The following QKI variants were observed in gnomAD, a reference collection of about 807,000 sequenced individuals.
QKI encodes the protein QKI, KH domain containing RNA binding.
QKI carries 10 observed loss-of-function variants against 39.0 expected under a neutral mutation model. The observed-to-expected ratio is 0.26, with a 90% CI of 0.16 to 0.43. The LOEUF (loss-of-function observed/expected upper bound fraction) is 0.43, where lower values mean the gene tolerates loss of function less well. QKI is among the 20% of genes least tolerant of loss of function. The pLI is 1.00. For missense variants in QKI, 218 were observed against 428.0 expected, an observed-to-expected ratio of 0.51 and a Z score of 4.33; for synonymous variants, 204 against 155.4, an observed-to-expected ratio of 1.31 and a Z score of -2.33.
intron 3 of QKI, among the ~76,000 whole-genome samples, chr6:163,481,257 G>A (rs1793056443): frequency 6.6e-6 from 1 of 152,162 alleles, no homozygotes; most frequent in Non-Finnish European, 1.5e-5. Flanking sequence ...ATATATGTGT[G>A]TGCGTATATA....
intron 3 of QKI, among the ~76,000 whole-genome samples, chr6:163,501,031 A>G (rs1029862719): frequency 1.3e-5 from 2 of 152,204 alleles, no homozygotes; most frequent in African/African-American, 4.8e-5. Context: ...AAATGGTTGG[A>G]ATATTTAGTA....
Position 163,563,619 on chromosome 6 carries a change from G to A in QKI, c.834G>A (p.Gly278=). Residue 278 remains glycine, a synonymous_variant, in exon 6 of 8, where the codon GGG becomes GGA. Coordinates refer to ENST00000361752, the MANE Select transcript of QKI (RefSeq NM_006775.3). ...PHPTAAIVPP[G]PEAGLIYTPY... ...CAACTGCTGCAATAGTTCCTCCAGG[G>A]CCCGAAGCTGGTTTAATCTATACAC... 1 of 1,614,104 alleles carries A rather than the reference G, an allele frequency of 6.2e-7. No individual in the cohort carries two copies. The highest frequency in any genetic ancestry group is 8.5e-7 in the Non-Finnish European group (1 of 1,180,012).
intron 3 of QKI, among the ~76,000 whole-genome samples, chr6:163,479,755 G>A (rs1016170350): frequency 9.9e-5 from 15 of 152,160 alleles, no homozygotes; most frequent in African/African-American, 3.6e-4. Context: ...TTACTTTTGG[G>A]AAGCTGCCAG....
chr6:163,474,226 T>G (rs183032474), intron 2 of QKI, among the ~76,000 whole-genome samples: 7 of 152,298 alleles, frequency 4.6e-5, no homozygotes, highest in African/African-American at 1.4e-4. Flanking sequence ...AACTTTATGG[T>G]GGACTGTTGA....
chr6:163,570,504 A>G (rs1783641293), intron 7 of QKI, 190 bp from the exon 8 acceptor site: 3 of 982,180 alleles, frequency 3.1e-6, no homozygotes, highest in Admixed American at 6.3e-5. Context: ...ATGATACGAA[A>G]TTGTCATGAT....
chr6:163,500,089 T>C (rs1368978364), intron 3 of QKI, among the ~76,000 whole-genome samples: 2 of 152,134 alleles, frequency 1.3e-5, no homozygotes, highest in Non-Finnish European at 2.9e-5. Flanking sequence ...GTGAATGTGA[T>C]GGGACTGTCC....
At chr6:163,544,073 C>T (rs915753024) in intron 4 of QKI, among the ~76,000 whole-genome samples, 2 of 151,962 alleles carry the variant, frequency 1.3e-5, no homozygotes, top group Non-Finnish European at 2.9e-5. Context: ...GGTTTATAAA[C>T]TGGATTATTC....
intron 1 of QKI, among the ~76,000 whole-genome samples, chr6:163,430,046 G>A (rs991736686): frequency 6.6e-6 from 1 of 152,130 alleles, no homozygotes; most frequent in Non-Finnish European, 1.5e-5. Context: ...TAAAGGACAG[G>A]TAGGATTGAA....
At chr6:163,464,899 C>T (rs563560619) in intron 2 of QKI, among the ~76,000 whole-genome samples, 1 of 152,238 alleles carries the variant, frequency 6.6e-6, no homozygotes, top group African/African-American at 2.4e-5. Flanking sequence ...AAGTTACAGG[C>T]CAATATCCTT....
chr6:163,570,865 G>C lies in QKI; in HGVS notation c.*155G>C. The C allele has an allele frequency of 1.6e-4, 132 of 808,790 alleles. No individual in the cohort carries two copies. The highest frequency in any genetic ancestry group is 2.2e-4 in the Non-Finnish European group (119 of 550,344). The allele number at this position is 808,790 out of a possible 1,614,324, so 50.1% of individuals were successfully genotyped here. A position where few individuals can be genotyped will look rare whatever the true frequency, so the allele number is the denominator to read the frequency against. ...CGTCTTACCATCTAACCAAACAAAA[G>C]ACAAAGAAATTGTTGTCCTCCAACT... On this transcript the variant is annotated 3_prime_UTR_variant, in exon 8 of 8. Transcript: ENST00000361752.
chr6:163,505,374 T>A (rs1182343100), intron 3 of QKI, among the ~76,000 whole-genome samples: 2 of 152,186 alleles, frequency 1.3e-5, no homozygotes, highest in African/African-American at 4.8e-5. Context: ...GTAGATCCAC[T>A]GACAGCTTGC....
At chr6:163,427,653 A>G (rs1246482565) in intron 1 of QKI, among the ~76,000 whole-genome samples, 1 of 152,028 alleles carries the variant, frequency 6.6e-6, no homozygotes, top group Non-Finnish European at 1.5e-5. Flanking sequence ...TTTTAATGTC[A>G]GGTGCGTGCG....
intron 3 of QKI, among the ~76,000 whole-genome samples, chr6:163,499,515 A>G (rs1413632647): frequency 1.3e-5 from 2 of 152,216 alleles, no homozygotes; most frequent in East Asian, 3.8e-4. Context: ...GCTTGATTAA[A>G]TATATGCTAA....
At chr6:163,501,406 A>G (rs1778755746) in intron 3 of QKI, among the ~76,000 whole-genome samples, 1 of 152,168 alleles carries the variant, frequency 6.6e-6, no homozygotes, top group Admixed American at 6.5e-5. Flanking sequence ...TGATGTTTGA[A>G]AAGTATTTTT....
intron 5 of QKI, 61 bp from the exon 6 acceptor site, chr6:163,563,359 T>C: frequency 7.0e-7 from 1 of 1,424,780 alleles, no homozygotes; most frequent in East Asian, 2.3e-5. Context: ...TCCCTTCTCA[T>C]TTTTCCGTAT....
At chr6:163,453,052 T>G (rs1790687196) in intron 1 of QKI, among the ~76,000 whole-genome samples, 1 of 151,894 alleles carries the variant, frequency 6.6e-6, no homozygotes, top group Non-Finnish European at 1.5e-5. Flanking sequence ...TTTAATCTAG[T>G]CATTTTATCT....
At position 163,577,888 on chromosome 6, in the gene QKI, C is replaced by T. The variant is rs1213391375; in HGVS notation, c.*7178C>T. 1 of 152,098 alleles carries T rather than the reference C, an allele frequency of 6.6e-6. No homozygotes were observed. The highest frequency in any genetic ancestry group is 6.6e-5 in the Admixed American group (1 of 15,260). 9.4% of individuals were successfully genotyped at this position (152,098 alleles called of 1,614,324 possible). A position where few individuals can be genotyped will look rare whatever the true frequency, so the allele number is the denominator to read the frequency against. ...CTAGACATTTGGATTTCCTTCCTAA[C>T]GTAATTTTTAATGATTACCCCTTTT... On this transcript the variant is annotated 3_prime_UTR_variant, in exon 8 of 8. Transcript: ENST00000361752.
At chr6:163,464,411 A>C (rs760724764) in intron 2 of QKI, among the ~76,000 whole-genome samples, 1 of 152,140 alleles carries the variant, frequency 6.6e-6, no homozygotes, top group East Asian at 1.9e-4. Flanking sequence ...GAAAAGTTCA[A>C]CAAAACAGAG....
intron 2 of QKI, among the ~76,000 whole-genome samples, chr6:163,470,274 G>A (rs1347483991): frequency 2.6e-5 from 4 of 152,010 alleles, no homozygotes; most frequent in East Asian, 1.9e-4. Context: ...CCTAGTCTTC[G>A]CTTGGGGGTA....
Sources: gnomAD v4.1 joint callset for allele counts (sites outside exome capture counted in the v4.1 genomes callset) on GRCh38, gnomAD v4.1.1 for gene constraint, MANE v1.5 for transcripts, NCBI Gene and HGNC (gene_info 2026-07-23, HGNC 2026-07-21) for gene names.